Variants in LINGO2 observed in about 807,000 individuals in gnomAD.
LINGO2 encodes the protein leucine rich repeat and Ig domain containing 2, also known as leucine-rich repeat and immunoglobulin-like domain-containing nogo receptor-interacting protein 2.
In LINGO2, 14 loss-of-function variants were observed where a neutral mutation model predicts 30.6. The observed-to-expected ratio is 0.46, with a 90% CI of 0.30 to 0.72. The LOEUF (loss-of-function observed/expected upper bound fraction) is 0.72. Ranked by LOEUF, LINGO2 falls within the 30% of genes least tolerant of loss-of-function variation. LINGO2 has a pLI of 0.07. For synonymous variants in LINGO2, 317 were observed against 288.5 expected (o/e 1.10, Z -1.00); for missense variants, 729 against 751.7 (o/e 0.97, Z 0.35).
the LINGO2 span, among the ~76,000 whole-genome samples, chr9:28,867,789 T>G: frequency 9.1e-3 from 1,388 of 152,204 alleles, 21 homozygotes; most frequent in Non-Finnish European, 0.011. Context: ...TGTTTTGTCT[T>G]TGCCCCATAA....
Position 28,320,579 on chromosome 9 carries a change from A to G in LINGO2, c.-245-25213T>C, listed in dbSNP as rs201699145. Among the ~76,000 whole-genome samples the G allele has an allele frequency of 7.9e-5, 12 of 152,260 alleles. No homozygotes were observed. In the East Asian group the frequency reaches 2.3e-3, roughly 29 times the overall value. On this transcript the variant is annotated intron_variant, in intron 3 of 5. Transcript: ENST00000379992. ...GGTATCTTTAGACGTTCACTTAGGCAATATGTTCTAGGGATGGGGTCAGGA... is the reference window on the plus strand; with the variant it reads ...GGTATCTTTAGACGTTCACTTAGGCGATATGTTCTAGGGATGGGGTCAGGA...
At chr9:28,014,942 A>G (rs539013095) in intron 4 of LINGO2, among the ~76,000 whole-genome samples, 6 of 152,292 alleles carry the variant, frequency 3.9e-5, no homozygotes, top group Admixed American at 3.9e-4. Context: ...AATCATTAAC[A>G]TACCTCTAGT....
intron 2 of LINGO2, among the ~76,000 whole-genome samples, chr9:28,452,021 C>A (rs1587693754): frequency 6.6e-6 from 1 of 151,508 alleles, no homozygotes; most frequent in Admixed American, 6.6e-5. Context: ...AGGTAGAGTA[C>A]ACTAAAAAAT....
intron 1 of LINGO2, among the ~76,000 whole-genome samples, chr9:28,563,713 T>C (rs4517208): frequency 1.5e-4 from 23 of 152,256 alleles, no homozygotes; most frequent in Admixed American, 1.4e-3. Context: ...TAAGTCCTCA[T>C]GAAAAATCAT....
At chr9:28,967,460 T>C in the LINGO2 span, among the ~76,000 whole-genome samples, 3 of 152,144 alleles carry the variant, frequency 2.0e-5, no homozygotes, top group East Asian at 3.9e-4. Context: ...TCATTTCTGG[T>C]AGTAAATGTG....
At chr9:28,429,268 T>C (rs898154016) in intron 2 of LINGO2, among the ~76,000 whole-genome samples, 7 of 152,188 alleles carry the variant, frequency 4.6e-5, no homozygotes, top group Non-Finnish European at 8.8e-5. Context: ...TATTGTATGC[T>C]CTGGACTTTT....
At chr9:28,637,773 A>G (rs906490384) in intron 1 of LINGO2, among the ~76,000 whole-genome samples, 20 of 152,108 alleles carry the variant, frequency 1.3e-4, no homozygotes, top group Admixed American at 3.9e-4. Context: ...GCAAACAGGG[A>G]CAATTTGACT....
chr9:28,112,066 G>C (rs1158300897), intron 4 of LINGO2, among the ~76,000 whole-genome samples: 2 of 102,658 alleles, frequency 1.9e-5, no homozygotes, highest in East Asian at 3.1e-4. Context: ...CCCCTCCCCC[G>C]ACCCCACCAC....
At chr9:28,419,456 T>C (rs1823099327) in intron 2 of LINGO2, among the ~76,000 whole-genome samples, 1 of 152,112 alleles carries the variant, frequency 6.6e-6, no homozygotes, top group Non-Finnish European at 1.5e-5. Flanking sequence ...TTGCTTAATG[T>C]AAGCTGTTGT....
At chr9:27,957,182 C>T (rs941103507) in intron 5 of LINGO2, among the ~76,000 whole-genome samples, 2 of 152,134 alleles carry the variant, frequency 1.3e-5, no homozygotes, top group African/African-American at 4.8e-5. Context: ...AATCAGTTGA[C>T]CGTATATGCA....
intron 1 of LINGO2, among the ~76,000 whole-genome samples, chr9:28,665,781 T>C (rs1828776422): frequency 6.6e-6 from 1 of 152,130 alleles, no homozygotes; most frequent in Admixed American, 6.5e-5. Context: ...ATTCAGGCAA[T>C]CATTCCTCAG....
chr9:28,772,240 G>C, the LINGO2 span, among the ~76,000 whole-genome samples: 1 of 152,298 alleles, frequency 6.6e-6, no homozygotes, highest in East Asian at 1.9e-4. Context: ...TTGAGTAATT[G>C]ATTAAATCCA....
chr9:27,979,805 A>T (rs1358589444), intron 5 of LINGO2, among the ~76,000 whole-genome samples: 1 of 152,012 alleles, frequency 6.6e-6, no homozygotes, highest in Non-Finnish European at 1.5e-5. Flanking sequence ...CTATTATTGC[A>T]TATTAAAGGA....
rs1039481558 is a variant in LINGO2, at chr9:27,974,248, C to A, written c.-35-23542G>T. ...GTTAGGGGTTCAGGAGAGATGTTAC[C>A]TCAAGCTGCAATCCTCCATGATGGG... is the stretch of plus-strand genomic sequence containing the variant. On this transcript the variant is annotated intron_variant, in intron 5 of 5. Transcript: ENST00000379992. 2.0e-5 allele frequency among the ~76,000 whole-genome samples: 3 copies of A among 152,240 alleles called. No individual in the cohort carries two copies. The South Asian group carries it at 6.2e-4, about 32-fold the overall frequency.
intron 2 of LINGO2, among the ~76,000 whole-genome samples, chr9:28,453,016 C>A (rs1486575890): frequency 2.0e-5 from 3 of 151,794 alleles, no homozygotes; most frequent in Non-Finnish European, 4.4e-5. Context: ...TTAGACTTAG[C>A]ATTAAGATCA....
the LINGO2 span, among the ~76,000 whole-genome samples, chr9:28,789,143 G>A: frequency 1.3e-5 from 2 of 151,944 alleles, no homozygotes; most frequent in Admixed American, 1.3e-4. Context: ...TCACCAACTT[G>A]AACATTTTTA....
chr9:28,293,259 G>A (rs552987581), intron 4 of LINGO2, among the ~76,000 whole-genome samples: 18 of 151,806 alleles, frequency 1.2e-4, no homozygotes, highest in African/African-American at 4.1e-4. Context: ...CACCATTCTC[G>A]ACTAATTTTT....
chr9:28,072,765 T>C (rs536641837), intron 4 of LINGO2, among the ~76,000 whole-genome samples: 1 of 152,090 alleles, frequency 6.6e-6, no homozygotes, highest in African/African-American at 2.4e-5. Flanking sequence ...CAAACATTAT[T>C]GCTGAGGGCC....
the LINGO2 span, among the ~76,000 whole-genome samples, chr9:29,046,716 T>C: frequency 1.3e-5 from 2 of 151,826 alleles, no homozygotes; most frequent in East Asian, 3.9e-4. Context: ...CCAAAAACAA[T>C]CACAACAAAA....
Sources: allele counts gnomAD v4.1 joint callset (sites outside exome capture counted in the v4.1 genomes callset), GRCh38; gene constraint gnomAD v4.1.1; transcripts MANE v1.5; gene names NCBI Gene and HGNC (gene_info 2026-07-23, HGNC 2026-07-21).